Variants in NAALADL2 observed in about 807,000 individuals in gnomAD.
NAALADL2 encodes the protein inactive N-acetylated-alpha-linked acidic dipeptidase-like protein 2.
In NAALADL2, 76 loss-of-function variants were observed where a neutral mutation model predicts 87.2. The observed-to-expected ratio is 0.87, with a 90% confidence interval of 0.72 to 1.05. The LOEUF is 1.05. Ranked by LOEUF, NAALADL2 falls within the 50% of genes least tolerant of loss-of-function variation. NAALADL2 has a pLI of 0.00. For synonymous variants in NAALADL2, 354 were observed against 331.0 expected (o/e 1.07, Z -0.75); for missense variants, 1,089 against 945.8 (o/e 1.15, Z -1.99).
At chr3:175,533,924 A>C (rs1179799989) in intron 9 of NAALADL2, among the ~76,000 whole-genome samples, 1 of 151,962 alleles carries the variant, frequency 6.6e-6, no homozygotes, top group Non-Finnish European at 1.5e-5. Flanking sequence ...AACCAGCTTC[A>C]TTGTGTTCCT....
At chr3:175,118,100 C>T in intron 2 of NAALADL2, among the ~76,000 whole-genome samples, 1 of 131,968 alleles carries the variant, frequency 7.6e-6, no homozygotes, top group South Asian at 2.5e-4. Flanking sequence ...GAACATCACA[C>T]ACTGGGGCCT....
chr3:175,533,018 G>T (rs1056722305), intron 9 of NAALADL2, among the ~76,000 whole-genome samples: 1 of 152,112 alleles, frequency 6.6e-6, no homozygotes, highest in Non-Finnish European at 1.5e-5. Context: ...GGGAGATCAG[G>T]CATTTCCAGC....
At chr3:175,455,074 G>A (rs776199934) in intron 6 of NAALADL2, among the ~76,000 whole-genome samples, 4 of 152,024 alleles carry the variant, frequency 2.6e-5, no homozygotes, top group Non-Finnish European at 4.4e-5. Context: ...TTGTAGGACC[G>A]GGCAAGTACT....
intron 11 of NAALADL2, among the ~76,000 whole-genome samples, chr3:175,639,128 G>A (rs1462408837): frequency 2.0e-5 from 3 of 151,922 alleles, no homozygotes; most frequent in African/African-American, 7.3e-5. Context: ...TTTCAGTGAC[G>A]CCATAAAGCA....
At chr3:175,042,029 T>C (rs1334849537) in intron 1 of NAALADL2, among the ~76,000 whole-genome samples, 2 of 152,164 alleles carry the variant, frequency 1.3e-5, no homozygotes, top group Non-Finnish European at 2.9e-5. Context: ...TCAGAATTTA[T>C]TCATCTTACA....
At chr3:175,326,975 A>G (rs1760789327) in intron 5 of NAALADL2, among the ~76,000 whole-genome samples, 1 of 152,262 alleles carries the variant, frequency 6.6e-6, no homozygotes, top group African/African-American at 2.4e-5. Context: ...TTTCAATTTA[A>G]GAACTTTGTT....
In NAALADL2 at chr3:174,725,850, G is replaced by A. The variant is rs376914168; in HGVS notation, c.-114-11791G>A. 1.7e-4 allele frequency among the ~76,000 whole-genome samples: 26 copies of A among 152,310 alleles called. No homozygotes were observed. In the East Asian group the frequency reaches 2.1e-3, roughly 12 times the overall value. Reference sequence around the variant, plus strand: ...CACAGTGAAGATAGTTGTCTCTAAAGCGGCACCAGAGGAATGACCAACTTG... The same window carrying A: ...CACAGTGAAGATAGTTGTCTCTAAAACGGCACCAGAGGAATGACCAACTTG... On this transcript the variant is annotated intron_variant, in intron 2 of 3. Coordinates refer to the NAALADL2 transcript ENST00000434257.
intron 9 of NAALADL2, among the ~76,000 whole-genome samples, chr3:175,537,039 A>C (rs1734918478): frequency 6.6e-6 from 1 of 152,238 alleles, no homozygotes; most frequent in Non-Finnish European, 1.5e-5. Context: ...CTGACAATCC[A>C]GACACTGGGT....
intron 1 of NAALADL2, among the ~76,000 whole-genome samples, chr3:174,876,878 T>C (rs1325878525): frequency 7.4e-6 from 1 of 135,966 alleles, no homozygotes; most frequent in Non-Finnish European, 1.5e-5. Flanking sequence ...TTTTCCACCA[T>C]TCTGGAAGCT....
At chr3:174,720,171 G>C (rs545920475) in intron 2 of NAALADL2, among the ~76,000 whole-genome samples, 1 of 151,870 alleles carries the variant, frequency 6.6e-6, no homozygotes, top group Non-Finnish European at 1.5e-5. Flanking sequence ...TTTATTTTAC[G>C]TCAAACAAGG....
chr3:175,624,999 T>C (rs1395804786), intron 10 of NAALADL2, among the ~76,000 whole-genome samples: 1 of 152,042 alleles, frequency 6.6e-6, no homozygotes, highest in African/African-American at 2.4e-5. Context: ...ACTTGTTTTT[T>C]CATGTTTTAC....
At chr3:175,182,277 CT>C (rs1736675257) in intron 2 of NAALADL2, among the ~76,000 whole-genome samples, 1 of 152,030 alleles carries the variant, frequency 6.6e-6, no homozygotes, top group African/African-American at 2.4e-5. Context: ...GTTTAACTTT[CT>C]TATATATTTT....
intron 2 of NAALADL2, among the ~76,000 whole-genome samples, chr3:174,736,429 C>T (rs1037519205): frequency 2.6e-5 from 4 of 152,066 alleles, no homozygotes; most frequent in Admixed American, 1.3e-4. Flanking sequence ...GGTAGCTCCT[C>T]TCCACAGGCA....
At chr3:175,191,903 T>C (rs1190846675) in intron 2 of NAALADL2, among the ~76,000 whole-genome samples, 1 of 152,092 alleles carries the variant, frequency 6.6e-6, no homozygotes, top group Non-Finnish European at 1.5e-5. Flanking sequence ...GGAAAGCTTC[T>C]CCAACAGTGA....
chr3:174,588,795 G>T (rs1442430737), intron 2 of NAALADL2, among the ~76,000 whole-genome samples: 2 of 152,126 alleles, frequency 1.3e-5, no homozygotes, highest in Non-Finnish European at 2.9e-5. Flanking sequence ...CTACTGGGGG[G>T]TGCCTCCCAG....
Position 175,320,601 on chromosome 3 carries a change from T to C in NAALADL2, c.940-3574T>C, listed in dbSNP as rs1026267135. On this transcript the variant is annotated intron_variant, in intron 4 of 13. Transcript: ENST00000454872. ...TATTTCAACATTTTAATGACTGGTG[T>C]GACAGGCTCAGCCCTGGAAAAAATA... Among the ~76,000 whole-genome samples the C allele has an allele frequency of 3.9e-5, 6 of 152,178 alleles. No individual in the cohort carries two copies. In the South Asian group the frequency reaches 1.2e-3, roughly 31 times the overall value.
At chr3:174,503,313 C>G (rs1446457572) in intron 1 of NAALADL2, among the ~76,000 whole-genome samples, 1 of 152,092 alleles carries the variant, frequency 6.6e-6, no homozygotes, top group Non-Finnish European at 1.5e-5. Context: ...TACAAAGAGT[C>G]CATGATATGT....
intron 9 of NAALADL2, among the ~76,000 whole-genome samples, chr3:175,538,835 C>T (rs1711764241): frequency 6.6e-6 from 1 of 152,128 alleles, no homozygotes; most frequent in Non-Finnish European, 1.5e-5. Context: ...TAAAACCATC[C>T]AGCTTACCTC....
In NAALADL2 at chr3:175,094,770, G is replaced by GTA. The variant is rs1720830818; in HGVS notation, c.44-2019_44-2018insAT. ...ACCAGACACTATAGTGTGTGTGTGT[G>GTA]TGTGTGTGTGTGTGTGTGTGAATAT... On this transcript the variant is annotated intron_variant, in intron 1 of 13. Transcript: ENST00000454872. 2.0e-5 allele frequency among the ~76,000 whole-genome samples: 3 copies of GTA among 149,796 alleles called. No individual in the cohort carries two copies. The South Asian group carries it at 6.3e-4, about 31-fold the overall frequency.
Sources: allele counts gnomAD v4.1 joint callset (sites outside exome capture counted in the v4.1 genomes callset), GRCh38; gene constraint gnomAD v4.1.1; transcripts MANE v1.5; gene names NCBI Gene and HGNC (gene_info 2026-07-23, HGNC 2026-07-21).